FAM110B: variants seen among roughly 807,000 people sequenced by gnomAD.
FAM110B encodes protein FAM110B.
In FAM110B, 6 loss-of-function variants were observed where a neutral mutation model predicts 20.4. The observed-to-expected ratio is 0.29, with a 90% CI of 0.16 to 0.58. The LOEUF (loss-of-function observed/expected upper bound fraction) is 0.58, where lower values mean the gene tolerates loss of function less well. FAM110B is among the 20% of genes least tolerant of loss of function. FAM110B has a pLI of 0.90. For missense variants in FAM110B, 434 were observed against 498.2 expected, an observed-to-expected ratio of 0.87 and a Z score of 1.23; for synonymous variants, 226 against 214.1, an observed-to-expected ratio of 1.06 and a Z score of -0.49.
intron 3 of FAM110B, among the ~76,000 whole-genome samples, chr8:58,125,715 A>C (rs1021408509): frequency 1.3e-5 from 2 of 152,218 alleles, no homozygotes; most frequent in African/African-American, 4.8e-5. Context: ...TTATGACCTG[A>C]GAAACATGTC....
Position 58,098,617 on chromosome 8 carries a change from G to A in FAM110B, c.-325+22994G>A, listed in dbSNP as rs373772602. 1.8e-4 allele frequency among the ~76,000 whole-genome samples: 27 copies of A among 152,300 alleles called. 1 individual carries two copies. The highest frequency in any genetic ancestry group is 6.5e-4 in the Admixed American group (10 of 15,302). ...GAAAAGAAACCCCTGAAGCTAGCTC[G>A]ATGTCTGCCCAAACGGCTGCCCAGT... On this transcript the variant is annotated intron_variant, in intron 3 of 3. Coordinates refer to ENST00000519262, the MANE Select transcript of FAM110B (RefSeq NM_001377989.1).
intron 3 of FAM110B, among the ~76,000 whole-genome samples, chr8:58,112,285 AGCCACTG>A (rs1807077682): frequency 2.6e-5 from 4 of 152,276 alleles, no homozygotes; most frequent in African/African-American, 9.6e-5. Flanking sequence ...GCCAAGATTG[AGCCACTG>A]CACTCCAGCC....
intron 2 of FAM110B, among the ~76,000 whole-genome samples, chr8:58,050,950 C>T (rs1313905007): frequency 6.6e-6 from 1 of 152,226 alleles, no homozygotes; most frequent in Non-Finnish European, 1.5e-5. Flanking sequence ...ACTGCTTCTA[C>T]TTTGAGATGC....
chr8:58,108,075 T>C lies in FAM110B; in HGVS notation c.-325+32452T>C, dbSNP rs956441078. Among the ~76,000 whole-genome samples, 4 of 152,198 alleles carry C rather than the reference T, an allele frequency of 2.6e-5. No homozygotes were observed. The East Asian group carries it at 7.7e-4, about 29-fold the overall frequency. On this transcript the variant is annotated intron_variant, in intron 3 of 3. Coordinates refer to ENST00000519262, the MANE Select transcript of FAM110B (RefSeq NM_001377989.1). ...AGGGGAAGAGGGCCCTTCTTATACA[T>C]GAGTTTATATGAAGTTTTTCATGTA...
intron 3 of FAM110B, among the ~76,000 whole-genome samples, chr8:58,121,338 G>C (rs1444066859): frequency 1.3e-5 from 2 of 152,184 alleles, no homozygotes; most frequent in Non-Finnish European, 2.9e-5. Flanking sequence ...TAGAGCTCAT[G>C]AAAGTAAAGA....
At chr8:58,039,897 C>T (rs1325531514) in intron 2 of FAM110B, among the ~76,000 whole-genome samples, 1 of 152,202 alleles carries the variant, frequency 6.6e-6, no homozygotes, top group African/African-American at 2.4e-5. Context: ...GCTGGGACTA[C>T]AGGCATATGC....
At position 58,147,337 on chromosome 8, in the gene FAM110B, T is replaced by G; in HGVS notation, c.1107T>G (p.His369Gln). The G allele has an allele frequency of 6.2e-7, 1 of 1,612,418 alleles. No homozygotes were observed. Among genetic ancestry groups the G allele is most frequent in the East Asian group, 2.2e-5 (1 of 44,870 alleles). Residue 369 changes from histidine to glutamine, a missense_variant, in exon 4 of 4, where the codon CAT becomes CAG. This residue lies in a region of FAM110B where 94 missense variants were observed against 137.8 expected (regional missense o/e 0.68). Transcript: ENST00000519262. The stretch of plus-strand genomic sequence containing the variant: ...CTAGAGAGTCACAGAAGGTCTCCCA[T>G]GTGTAAGACAGTGCGTGGAAAGGAG... Reference protein sequence around the residue: ...KQARESQKVSHV With the variant: ...KQARESQKVSQV
intron 3 of FAM110B, chr8:58,091,412 T>C (rs1265075041): frequency 1.3e-5 from 2 of 152,166 alleles, no homozygotes; most frequent in East Asian, 1.9e-4. Context: ...AGCTCAGGTG[T>C]CCTGCTTATG....
chr8:58,024,385 A>G (rs1804814547), intron 1 of FAM110B, among the ~76,000 whole-genome samples: 1 of 152,164 alleles, frequency 6.6e-6, no homozygotes, highest in African/African-American at 2.4e-5. Context: ...TTTGGAAAGA[A>G]AAGGAAAATT....
chr8:58,070,249 G>C (rs1805862141), intron 2 of FAM110B: 1 of 152,224 alleles, frequency 6.6e-6, no homozygotes. Flanking sequence ...CTGTGTTCTT[G>C]CAACGGTGGA....
chr8:58,096,800 A>T (rs1484318616), intron 3 of FAM110B, among the ~76,000 whole-genome samples: 2 of 152,010 alleles, frequency 1.3e-5, no homozygotes, highest in Non-Finnish European at 2.9e-5. Context: ...TTTGCTTATG[A>T]TGTTTAGTTT....
chr8:58,022,696 G>A (rs918982091), intron 1 of FAM110B, among the ~76,000 whole-genome samples: 5 of 152,040 alleles, frequency 3.3e-5, no homozygotes, highest in African/African-American at 1.2e-4. Flanking sequence ...ATTGATATTG[G>A]CATTGTTCTA....
intron 3 of FAM110B, among the ~76,000 whole-genome samples, chr8:58,078,786 G>A (rs1179209333): frequency 6.6e-6 from 1 of 151,850 alleles, no homozygotes; most frequent in Non-Finnish European, 1.5e-5. Flanking sequence ...TCCTGACCTC[G>A]TGATCCGCCC....
intron 3 of FAM110B, chr8:58,098,796 C>CT (rs1417767763): frequency 6.6e-6 from 1 of 152,290 alleles, no homozygotes; most frequent in Non-Finnish European, 1.5e-5. Flanking sequence ...TCCCTGGCTC[C>CT]TTGTACTTCC....
chr8:58,147,290 T>C lies in FAM110B; in HGVS notation c.1060T>C (p.Trp354Arg). The change falls in exon 4 of 4, where the codon TGG (tryptophan) becomes CGG (arginine). Residue 354 changes from tryptophan to arginine, a missense_variant. By Grantham distance (101) the Trp-to-Arg change is moderately radical. This residue lies in a region of FAM110B where 94 missense variants were observed against 137.8 expected (regional missense o/e 0.68). Coordinates refer to ENST00000519262, the MANE Select transcript of FAM110B (RefSeq NM_001377989.1). Reference protein sequence around the residue: ...AIERNARIIKWLYSIKQARES... With the variant: ...AIERNARIIKRLYSIKQARES... ...CGAAAGAAATGCTAGAATCATCAAG[T>C]GGTTATATAGCATCAAACAAGCTAG... 1 of 1,614,010 alleles carries C rather than the reference T, an allele frequency of 6.2e-7. No individual in the cohort carries two copies. Among genetic ancestry groups the C allele is most frequent in the Non-Finnish European group, 8.5e-7 (1 of 1,180,006 alleles).
chr8:58,135,336 A>G (rs1803584952), intron 3 of FAM110B, among the ~76,000 whole-genome samples: 1 of 152,336 alleles, frequency 6.6e-6, no homozygotes. Flanking sequence ...GCATTATTAC[A>G]GTTCTGGGGA....
At chr8:58,004,773 C>T (rs1298608932) in intron 1 of FAM110B, among the ~76,000 whole-genome samples, 1 of 152,278 alleles carries the variant, frequency 6.6e-6, no homozygotes, top group Non-Finnish European at 1.5e-5. Context: ...CATGAACCAA[C>T]GTCTGCTAGC....
intron 3 of FAM110B, among the ~76,000 whole-genome samples, chr8:58,093,969 T>G (rs1381609927): frequency 6.6e-6 from 1 of 152,216 alleles, no homozygotes; most frequent in Non-Finnish European, 1.5e-5. Flanking sequence ...TTCACAGCCC[T>G]TGTAAGTTGT....
At chr8:58,073,127 G>A (rs1235816985) in intron 2 of FAM110B, among the ~76,000 whole-genome samples, 1 of 152,178 alleles carries the variant, frequency 6.6e-6, no homozygotes, top group Non-Finnish European at 1.5e-5. Context: ...TTTCACTGTA[G>A]TATTCCATGA....
Sources: allele counts gnomAD v4.1 joint callset (sites outside exome capture counted in the v4.1 genomes callset), GRCh38; gene constraint gnomAD v4.1.1; regional missense constraint gnomAD v4.1.1; transcripts MANE v1.5; gene names NCBI Gene and HGNC (gene_info 2026-07-23, HGNC 2026-07-21).